The following RBMS3 variants were observed in gnomAD, a reference collection of about 807,000 sequenced individuals.
The protein encoded by RBMS3 is RNA binding motif single stranded interacting protein 3.
Under a neutral mutation model 66.8 loss-of-function variants are expected in RBMS3, and 27 were observed. The observed-to-expected ratio is 0.40, with a 90% CI of 0.30 to 0.56. The LOEUF (loss-of-function observed/expected upper bound fraction) is 0.56. RBMS3 is among the 20% of genes least tolerant of loss of function. RBMS3 has a pLI of 0.40. For synonymous variants in RBMS3, 188 were observed against 183.0 expected (o/e 1.03, Z -0.22); for missense variants, 513 against 549.5 (o/e 0.93, Z 0.66).
At chr3:29,700,860 A>ATGTG (rs3069930) in intron 4 of RBMS3, among the ~76,000 whole-genome samples, 2 of 151,258 alleles carry the variant, frequency 1.3e-5, no homozygotes, top group Non-Finnish European at 2.9e-5. Context: ...GATTATAAGC[A>ATGTG]TGTGTGTGTG....
chr3:29,680,853 A>G (rs1033594398), intron 4 of RBMS3, among the ~76,000 whole-genome samples: 1 of 152,180 alleles, frequency 6.6e-6, no homozygotes, highest in African/African-American at 2.4e-5. Context: ...CTCTTTTAGG[A>G]TGGAATTTCA....
At chr3:29,552,540 A>C (rs900219976) in intron 3 of RBMS3, among the ~76,000 whole-genome samples, 4 of 152,142 alleles carry the variant, frequency 2.6e-5, no homozygotes, top group African/African-American at 9.7e-5. Context: ...ACTGAGCATA[A>C]ATTTAATTGG....
At chr3:29,491,061 C>T (rs778142352) in intron 3 of RBMS3, among the ~76,000 whole-genome samples, 1 of 152,024 alleles carries the variant, frequency 6.6e-6, no homozygotes, top group Non-Finnish European at 1.5e-5. Context: ...CTGAAGACCA[C>T]GAAAATGTAA....
chr3:29,603,554 A>G (rs906083099), intron 4 of RBMS3, among the ~76,000 whole-genome samples: 11 of 152,084 alleles, frequency 7.2e-5, no homozygotes, highest in African/African-American at 2.4e-4. Flanking sequence ...CTGACACTAT[A>G]TGATGCATGC....
rs545705726 is a variant in RBMS3 at position 29,506,209 on chromosome 3, A to T, written c.307+17710A>T. On this transcript the variant is annotated intron_variant, in intron 3 of 14. Coordinates refer to ENST00000383767, the MANE Select transcript of RBMS3 (RefSeq NM_001003793.3). Reference sequence around the variant, plus strand: ...TCCCTCATTGAATGAGATATTAGCTATGGTCCATCATATATGTCCTTTCAG... The same window carrying T: ...TCCCTCATTGAATGAGATATTAGCTTTGGTCCATCATATATGTCCTTTCAG... Among the ~76,000 whole-genome samples, 29 of 152,036 alleles carry T rather than the reference A, an allele frequency of 1.9e-4. No individual in the cohort carries two copies. The South Asian group carries it at 3.3e-3, about 17-fold the overall frequency.
intron 3 of RBMS3, among the ~76,000 whole-genome samples, chr3:29,540,706 G>A (rs1254742996): frequency 6.6e-6 from 1 of 152,166 alleles, no homozygotes. Flanking sequence ...AGATGTGTGA[G>A]CTAAGATTGC....
intron 1 of RBMS3, among the ~76,000 whole-genome samples, chr3:29,410,539 G>T (rs186744561): frequency 6.6e-6 from 1 of 152,106 alleles, no homozygotes; most frequent in Admixed American, 6.5e-5. Flanking sequence ...ATGAATTTGC[G>T]CCAGTGTCTG....
Position 29,589,375 on chromosome 3 carries a change from C to T in RBMS3, c.399+2170C>T, listed in dbSNP as rs868261118. 5.3e-5 allele frequency among the ~76,000 whole-genome samples: 8 copies of T among 152,102 alleles called. No homozygotes were observed. The South Asian group carries it at 6.2e-4, about 12-fold the overall frequency. On this transcript the variant is annotated intron_variant, in intron 4 of 14. Transcript: ENST00000383767. ...AGCCAGCATTTTGGCCATTGGCTCA[C>T]GCCCACTGTACAAAAAATGAGATTC... is the stretch of plus-strand genomic sequence containing the variant.
intron 1 of RBMS3, among the ~76,000 whole-genome samples, chr3:29,317,839 T>G (rs138678696): frequency 0.012 from 1,872 of 151,908 alleles, 115 homozygotes; most frequent in Admixed American, 0.11. Flanking sequence ...TTTCACCCAC[T>G]CATGGAAAGA....
chr3:29,413,405 CAT>C (rs1559559793), intron 1 of RBMS3, among the ~76,000 whole-genome samples: 44 of 151,286 alleles, frequency 2.9e-4, no homozygotes, highest in African/African-American at 8.0e-4. Flanking sequence ...TACATACATA[CAT>C]ACATACATAC....
intron 12 of RBMS3, among the ~76,000 whole-genome samples, chr3:29,962,166 T>G (rs1696508575): frequency 6.7e-6 from 1 of 150,184 alleles, no homozygotes; most frequent in African/African-American, 2.4e-5. Context: ...ATAATTTCAC[T>G]TAGGTTGGAA....
In RBMS3 at chr3:29,281,136, C is replaced by CCTTTTTTT. The variant is rs2031727493; in HGVS notation, c.-537_-530dup. The CCTTTTTTT allele has an allele frequency of 9.5e-6, 1 of 105,428 alleles. No homozygotes were observed. The highest frequency in any genetic ancestry group is 3.5e-5 in the African/African-American group (1 of 28,560). The allele number at this position is 105,428 out of a possible 1,614,324, so 6.5% of individuals were successfully genotyped here. On this transcript the variant is annotated 5_prime_UTR_variant, in exon 1 of 15. Transcript: ENST00000383767. ...AAGGTTTTTTTTTTTTTTTTTTCTT[C>CCTTTTTTT]CTTTTTTTCTTTTTTTTTTTCTTTT...
intron 7 of RBMS3, among the ~76,000 whole-genome samples, 158 bp from the exon 8 acceptor site, chr3:29,884,004 A>C (rs2059798274): frequency 6.6e-6 from 1 of 152,030 alleles, no homozygotes; most frequent in Admixed American, 6.6e-5. Flanking sequence ...TGGATAGTAA[A>C]AATGCTAGTC....
chr3:29,320,055 T>C (rs1217291702), intron 1 of RBMS3, among the ~76,000 whole-genome samples: 1 of 152,014 alleles, frequency 6.6e-6, no homozygotes, highest in East Asian at 1.9e-4. Flanking sequence ...GTCTCTGCCA[T>C]GTAAAAGGAG....
At chr3:29,892,601 T>A (rs1165687334) in intron 8 of RBMS3, among the ~76,000 whole-genome samples, 1 of 151,526 alleles carries the variant, frequency 6.6e-6, no homozygotes, top group Non-Finnish European at 1.5e-5. Flanking sequence ...ATGCTGTGAA[T>A]CTTGGTGAAG....
chr3:29,607,456 A>T (rs1307644713), intron 4 of RBMS3, among the ~76,000 whole-genome samples: 1 of 151,894 alleles, frequency 6.6e-6, no homozygotes, highest in East Asian at 1.9e-4. Flanking sequence ...TGCCTATTTT[A>T]TAAGGATATT....
chr3:29,919,146 T>C (rs1054600755), intron 10 of RBMS3, among the ~76,000 whole-genome samples: 7 of 152,206 alleles, frequency 4.6e-5, no homozygotes, highest in Non-Finnish European at 1.0e-4. Flanking sequence ...ATTTATGTAA[T>C]GGCATTGAGA....
chr3:29,531,876 T>C (rs2045362659), intron 3 of RBMS3, among the ~76,000 whole-genome samples: 1 of 152,176 alleles, frequency 6.6e-6, no homozygotes, highest in African/African-American at 2.4e-5. Context: ...CAGTGTAAAC[T>C]GTCTTTTGTC....
At chr3:29,444,115 G>T (rs898221464) in intron 2 of RBMS3, among the ~76,000 whole-genome samples, 15 of 152,130 alleles carry the variant, frequency 9.9e-5, no homozygotes, top group Middle Eastern at 3.4e-3. Context: ...AAAAGTAAAG[G>T]ATATAAAATG....
Sources: gnomAD v4.1 joint callset for allele counts (sites outside exome capture counted in the v4.1 genomes callset) on GRCh38, gnomAD v4.1.1 for gene constraint, MANE v1.5 for transcripts, NCBI Gene and HGNC (gene_info 2026-07-23, HGNC 2026-07-21) for gene names.